SMCHD1: variants seen among roughly 807,000 people sequenced by gnomAD.
SMCHD1 encodes structural maintenance of chromosomes flexible hinge domain-containing protein 1.
SMCHD1 carries 78 observed loss-of-function variants against 254.7 expected under a neutral mutation model. The observed-to-expected ratio is 0.31, with a 90% CI of 0.26 to 0.37. The LOEUF (loss-of-function observed/expected upper bound fraction) is 0.37. Among genes scored for constraint, SMCHD1 ranks in the 10% least tolerant of loss-of-function variants. SMCHD1 has a pLI of 1.00. For missense variants in SMCHD1, 1,840 were observed against 2,408.1 expected (o/e 0.76, Z 4.94); for synonymous variants, 766 against 794.9 (o/e 0.96, Z 0.61).
intron 1 of SMCHD1, among the ~76,000 whole-genome samples, chr18:2,661,973 G>C (rs1015679764): frequency 0.053 from 5 of 94 alleles, no homozygotes; most frequent in African/African-American, 0.1. Flanking sequence ...TGGCTAACAA[G>C]GTGAAACCCC....
At chr18:2,786,424 G>T (rs555785905) in intron 45 of SMCHD1, among the ~76,000 whole-genome samples, 8 of 152,256 alleles carry the variant, frequency 5.3e-5, no homozygotes, top group African/African-American at 1.9e-4. Flanking sequence ...GGGCTTGGTG[G>T]CTCACACCTG....
At chr18:2,698,213 G>A (rs181035429) in intron 10 of SMCHD1, among the ~76,000 whole-genome samples, 172 bp downstream of exon 10, 1 of 152,148 alleles carries the variant, frequency 6.6e-6, no homozygotes, top group Admixed American at 6.5e-5. Flanking sequence ...CCTGATTTTT[G>A]TGTACATTCA....
chr18:2,803,205 T>TAA lies in SMCHD1; in HGVS notation c.*654_*655insAA, dbSNP rs1465108228. On this transcript the variant is annotated 3_prime_UTR_variant, in exon 48 of 48. Transcript: ENST00000320876. ...CTGTGTGTGTGTGTGTGTGTATATATATATATATATATAAATATATATATA... is the reference window on the plus strand; with the variant it reads ...CTGTGTGTGTGTGTGTGTGTATATATAAATATATATATATAAATATATATATA... 2.7e-5 allele frequency: 4 copies of TAA among 147,056 alleles called. No individual in the cohort carries two copies. 9.1% of individuals were successfully genotyped at this position (147,056 alleles called of 1,614,324 possible). A position where few individuals can be genotyped will look rare whatever the true frequency, so the allele number is the denominator to read the frequency against.
At chr18:2,660,691 C>T (rs537680270) in intron 1 of SMCHD1, among the ~76,000 whole-genome samples, 2 of 146,474 alleles carry the variant, frequency 1.4e-5, no homozygotes, top group Admixed American at 1.3e-4. Flanking sequence ...CCAGGGTGGT[C>T]TGGAACTCCT....
At chr18:2,678,660 T>C (rs777879448) in intron 5 of SMCHD1, among the ~76,000 whole-genome samples, 2 of 152,010 alleles carry the variant, frequency 1.3e-5, no homozygotes, top group Non-Finnish European at 2.9e-5. Context: ...TTATTTTCTG[T>C]TTATTTCTTC....
intron 1 of SMCHD1, among the ~76,000 whole-genome samples, chr18:2,658,449 G>C (rs1055793391): frequency 6.6e-6 from 1 of 152,094 alleles, no homozygotes; most frequent in African/African-American, 2.4e-5. Context: ...CTTTGCTGTA[G>C]GGAACAGATG....
chr18:2,727,788 A>G (rs369612098), intron 22 of SMCHD1, among the ~76,000 whole-genome samples: 2 of 152,204 alleles, frequency 1.3e-5, no homozygotes, highest in East Asian at 1.9e-4. Flanking sequence ...TGCTTCATAT[A>G]TAGTAAATGA....
intron 37 of SMCHD1, among the ~76,000 whole-genome samples, chr18:2,767,268 AAAG>A (rs2075885170): frequency 6.6e-6 from 1 of 151,924 alleles, no homozygotes; most frequent in African/African-American, 2.4e-5. Context: ...AAAAAAAAAA[AAAG>A]GTTACACTTT....
At chr18:2,777,502 C>G (rs181687564) in intron 42 of SMCHD1, among the ~76,000 whole-genome samples, 4 of 110,372 alleles carry the variant, frequency 3.6e-5, no homozygotes, top group Non-Finnish European at 7.5e-5. Flanking sequence ...GTCATTCATA[C>G]TGTCATTTGG....
At chr18:2,745,501 A>G (rs2075436815) in intron 29 of SMCHD1, among the ~76,000 whole-genome samples, 1 of 152,232 alleles carries the variant, frequency 6.6e-6, no homozygotes, top group Non-Finnish European at 1.5e-5. Flanking sequence ...TATAAAACAC[A>G]GTTTTTAGAA....
intron 7 of SMCHD1, among the ~76,000 whole-genome samples, 173 bp from the exon 8 acceptor site, chr18:2,694,354 C>T (rs185649374): frequency 6.6e-6 from 1 of 152,350 alleles, no homozygotes; most frequent in East Asian, 1.9e-4. Flanking sequence ...CTTGTCTTCA[C>T]AGTGTTGTCA....
intron 45 of SMCHD1, among the ~76,000 whole-genome samples, chr18:2,788,174 A>G (rs1193615540): frequency 3.9e-5 from 6 of 152,248 alleles, no homozygotes; most frequent in African/African-American, 1.4e-4. Context: ...CTGCTAGCAC[A>G]GTTATAAGCA....
chr18:2,658,873 CAT>C (rs1405182540), intron 1 of SMCHD1, among the ~76,000 whole-genome samples: 58 of 149,928 alleles, frequency 3.9e-4, no homozygotes, highest in African/African-American at 1.4e-3. Context: ...TATATACACA[CAT>C]ACACACATAT....
At chr18:2,768,349 AT>A (rs1217141746) in intron 37 of SMCHD1, among the ~76,000 whole-genome samples, 2 of 151,928 alleles carry the variant, frequency 1.3e-5, no homozygotes, top group African/African-American at 4.8e-5. Flanking sequence ...AAAAAATATG[AT>A]TGATATTAAA....
chr18:2,699,670 A>G (rs1461012288), intron 10 of SMCHD1, among the ~76,000 whole-genome samples: 2 of 152,164 alleles, frequency 1.3e-5, no homozygotes, highest in Non-Finnish European at 2.9e-5. Flanking sequence ...GCTGTTTCCA[A>G]TTTTTGTGTG....
chr18:2,746,910 C>G (rs2075464560), intron 29 of SMCHD1, among the ~76,000 whole-genome samples: 1 of 152,148 alleles, frequency 6.6e-6, no homozygotes. Context: ...GCCTTATATA[C>G]TAGCTGGGGA....
At chr18:2,779,292 A>G (rs79044963) in intron 44 of SMCHD1, among the ~76,000 whole-genome samples, 240 of 152,302 alleles carry the variant, frequency 1.6e-3, no homozygotes, top group African/African-American at 5.7e-3. Context: ...GTAGCTGGCA[A>G]CTGGTACCTG....
At chr18:2,692,409 G>A (rs191048112) in intron 7 of SMCHD1, among the ~76,000 whole-genome samples, 27 of 152,250 alleles carry the variant, frequency 1.8e-4, no homozygotes, top group Admixed American at 9.2e-4. Flanking sequence ...AATATTATCC[G>A]TAAACCTTTC....
At chr18:2,665,251 T>G (rs1285304973) in intron 1 of SMCHD1, among the ~76,000 whole-genome samples, 1 of 152,178 alleles carries the variant, frequency 6.6e-6, no homozygotes, top group East Asian at 1.9e-4. Flanking sequence ...TCCTTTTCAT[T>G]TTTTTGTGTT....
Sources: allele counts gnomAD v4.1 joint callset (sites outside exome capture counted in the v4.1 genomes callset), GRCh38; gene constraint gnomAD v4.1.1; transcripts MANE v1.5; gene names NCBI Gene and HGNC (gene_info 2026-07-23, HGNC 2026-07-21).